STARD8: variants seen among roughly 807,000 people sequenced by gnomAD.
STARD8 encodes StAR related lipid transfer domain containing 8, also known as stAR-related lipid transfer protein 8.
STARD8 carries 25 observed loss-of-function variants against 69.4 expected under a neutral mutation model. The ratio of observed to expected loss-of-function variants is 0.36; its 90% CI spans 0.26 to 0.50. The LOEUF is 0.50. STARD8 is among the 20% of genes least tolerant of loss of function. STARD8 has a pLI of 0.96. For synonymous variants in STARD8, 389 were observed against 374.6 expected (o/e 1.04, Z -0.45); for missense variants, 921 against 932.5 (o/e 0.99, Z 0.16).
rs959849508 is a variant in STARD8, at chrX:68,724,477, C to T, written c.*55C>T. The T allele has an allele frequency of 8.5e-6, 9 of 1,055,870 alleles. No individual in the cohort carries two copies. Among genetic ancestry groups the T allele is most frequent in the South Asian group, 4.0e-5 (2 of 50,152 alleles). 87.0% of individuals were successfully genotyped at this position (1,055,870 alleles called of 1,213,427 possible). On this transcript the variant is annotated 3_prime_UTR_variant, in exon 15 of 15. Coordinates refer to ENST00000374599, the MANE Select transcript of STARD8 (RefSeq NM_001142503.3). ...CCAGGCCCCCTGGGCACCAAGGGAGCGAGGGGGAATAAGAGCAGGGCAGCC... is the reference window on the plus strand; with the variant it reads ...CCAGGCCCCCTGGGCACCAAGGGAGTGAGGGGGAATAAGAGCAGGGCAGCC...
intron 2 of STARD8, among the ~76,000 whole-genome samples, chrX:68,688,970 C>G (rs773338377): frequency 0.092 from 8,473 of 91,898 alleles, 2 homozygotes; most frequent in African/African-American, 0.21. Context: ...CCAGGGCCCA[C>G]CCCATTTTTT....
chrX:68,674,566 A>G (rs1710075895), intron 2 of STARD8, among the ~76,000 whole-genome samples: 1 of 110,918 alleles, frequency 9.0e-6, no homozygotes, highest in South Asian at 3.8e-4. Context: ...GTGCTTGGGA[A>G]CTATTTGCTC....
At chrX:68,654,631 G>C (rs938700672) in intron 1 of STARD8, among the ~76,000 whole-genome samples, 1 of 111,798 alleles carries the variant, frequency 8.9e-6, no homozygotes, top group Non-Finnish European at 1.9e-5. Flanking sequence ...TCTCATCCAA[G>C]TATGCATGAG....
rs2079654802 is a variant in STARD8 at position 68,662,085 on chromosome X, G to A, written c.46-3414G>A. 2.8e-5 allele frequency among the ~76,000 whole-genome samples: 3 copies of A among 107,577 alleles called. No homozygotes were observed. In the South Asian group the frequency reaches 1.2e-3, roughly 45 times the overall value. The allele number at this position is 107,577 out of a possible 115,157, so 93.4% of individuals were successfully genotyped here. A position where few individuals can be genotyped will look rare whatever the true frequency, so the allele number is the denominator to read the frequency against. ...TGCCATGGCGTGATCTCAGCTCACT[G>A]CAACCTCCGCCTCCCAGGTTCAAGT... is the stretch of plus-strand genomic sequence containing the variant. On this transcript the variant is annotated intron_variant, in intron 1 of 14. Coordinates refer to ENST00000374599, the MANE Select transcript of STARD8 (RefSeq NM_001142503.3).
chrX:68,722,377 T>C, intron 11 of STARD8, 45 bp from the exon 12 acceptor site: 1 of 1,122,929 alleles, frequency 8.9e-7, no homozygotes, highest in Non-Finnish European at 1.2e-6. Context: ...CCATGGGGTC[T>C]CCTGCTCTCT....
intron 6 of STARD8, 66 bp from the exon 7 acceptor site, chrX:68,719,159 C>T: frequency 9.3e-7 from 1 of 1,076,853 alleles, no homozygotes; most frequent in Non-Finnish European, 1.2e-6. Flanking sequence ...ACAATAACAC[C>T]TTTTCTAAGG....
chrX:68,712,655 TG>T lies in STARD8; in HGVS notation c.80-257del, dbSNP rs201393602. Among the ~76,000 whole-genome samples, 659 of 111,409 alleles carry T rather than the reference TG, an allele frequency of 5.9e-3. 6 individuals carry two copies. The highest frequency in any genetic ancestry group is 0.021 in the African/African-American group (630 of 30,630). ...AGGGGGTGGGAGAGTGGGAGGGGTTTGGAACAGGCAGGGAATGAGACTCAAG... is the reference window on the plus strand; with the variant it reads ...AGGGGGTGGGAGAGTGGGAGGGGTTTGAACAGGCAGGGAATGAGACTCAAG... On this transcript the variant is annotated intron_variant, in intron 2 of 14. Coordinates refer to ENST00000374599, the MANE Select transcript of STARD8 (RefSeq NM_001142503.3).
chrX:68,721,775 G>A (rs376738946), intron 10 of STARD8, 29 bp downstream of exon 10: 5 of 1,183,189 alleles, frequency 4.2e-6, no homozygotes, highest in East Asian at 3.0e-5. Flanking sequence ...TGTCAGGGCC[G>A]GGCTGGGTCC....
intron 2 of STARD8, among the ~76,000 whole-genome samples, chrX:68,707,470 C>T (rs1486055005): frequency 3.6e-5 from 4 of 111,587 alleles, no homozygotes; most frequent in Non-Finnish European, 5.6e-5. Context: ...CTGTTTAGGG[C>T]GGTGGTCTTT....
chrX:68,649,575 G>A (rs2079534617), intron 1 of STARD8, among the ~76,000 whole-genome samples: 1 of 111,111 alleles, frequency 9.0e-6, no homozygotes, highest in Admixed American at 9.7e-5. Context: ...AGACTGTTGT[G>A]TCCTTCCTGT....
chrX:68,687,700 A>G (rs2147898225), intron 2 of STARD8, among the ~76,000 whole-genome samples: 1 of 112,393 alleles, frequency 8.9e-6, no homozygotes, highest in South Asian at 3.7e-4. Context: ...GGTAGAAACA[A>G]AGTAGAAGCC....
In STARD8 at chrX:68,721,761, G is replaced by C; in HGVS notation, c.2459+15G>C. 5.0e-6 allele frequency: 6 copies of C among 1,196,719 alleles called. No individual in the cohort carries two copies. Among genetic ancestry groups the C allele is most frequent in the Non-Finnish European group, 6.8e-6 (6 of 884,989 alleles). ...CCCTCTCCCAGGTGAAATGGTGCAC[G>C]GCATGTCAGGGCCGGGCTGGGTCCA... On this transcript the variant is annotated intron_variant, in intron 10 of 14. Coordinates refer to ENST00000374599, the MANE Select transcript of STARD8 (RefSeq NM_001142503.3).
intron 2 of STARD8, among the ~76,000 whole-genome samples, chrX:68,706,311 C>T (rs1334606985): frequency 8.9e-6 from 1 of 112,068 alleles, no homozygotes; most frequent in Non-Finnish European, 1.9e-5. Context: ...GGTCCTGTCT[C>T]CTTTCCTCCC....
chrX:68,662,265 T>C (rs1220403478), intron 1 of STARD8, among the ~76,000 whole-genome samples: 1 of 110,793 alleles, frequency 9.0e-6, no homozygotes, highest in African/African-American at 3.3e-5. Context: ...CGCCTTGGAC[T>C]CCCAAAGTGC....
At chrX:68,678,274 AG>A (rs2079779624) in intron 2 of STARD8, among the ~76,000 whole-genome samples, 3 of 111,118 alleles carry the variant, frequency 2.7e-5, no homozygotes, top group African/African-American at 9.8e-5. Context: ...AAGAAATATG[AG>A]GGTTGTGGTT....
chrX:68,667,683 C>T (rs1034672054), intron 2 of STARD8, among the ~76,000 whole-genome samples: 3 of 110,273 alleles, frequency 2.7e-5, no homozygotes, highest in South Asian at 4.0e-4. Context: ...GATGGGACTG[C>T]GATGGGGGCT....
Position 68,723,669 on chromosome X carries a change from A to G in STARD8, c.2843A>G (p.Glu948Gly). Residue 948 changes from glutamate (E) to glycine (G), a missense_variant, in exon 13 of 15, where the codon GAG becomes GGG. Coordinates refer to ENST00000374599, the MANE Select transcript of STARD8 (RefSeq NM_001142503.3). The stretch of plus-strand genomic sequence containing the variant: ...CTGCGGCTATGGAAGGCATCCACAG[A>G]GGTGGCAGCCCCCCCAGCTGTGGTG... ...HPLRLWKAST[E>G]VAAPPAVVLH... 1 of 1,199,935 alleles carries G rather than the reference A, an allele frequency of 8.3e-7. No individual in the cohort carries two copies. Among genetic ancestry groups the G allele is most frequent in the Non-Finnish European group, 1.1e-6 (1 of 890,090 alleles).
rs781044005 is a variant in STARD8, at chrX:68,720,430, C to A, written c.2049+7C>A. 5 of 1,160,451 alleles carry A rather than the reference C, an allele frequency of 4.3e-6. No homozygotes were observed. Among genetic ancestry groups the A allele is most frequent in the South Asian group, 4.1e-5 (2 of 48,984 alleles). On this transcript the variant is annotated splice_region_variant and intron_variant, in intron 8 of 14. Coordinates refer to ENST00000374599, the MANE Select transcript of STARD8 (RefSeq NM_001142503.3). ...CAGCCAGTGCCTGGACCAAGTGAGC[C>A]CTCGTGGGGCAGCCTGCCGGGAGAT...
At position 68,725,075 on chromosome X, in the gene STARD8, G is replaced by C. The variant is rs1418810896; in HGVS notation, c.*653G>C. 3.6e-5 allele frequency: 4 copies of C among 111,385 alleles called. No individual in the cohort carries two copies. Among genetic ancestry groups the C allele is most frequent in the African/African-American group, 1.3e-4 (4 of 30,619 alleles). The allele number at this position is 111,385 out of a possible 1,213,427, so 9.2% of individuals were successfully genotyped here. ...ATATGTGACATGACGATTTGGCATA[G>C]ATAGGGATGTGAGAGTGGAGTACCT... On this transcript the variant is annotated 3_prime_UTR_variant, in exon 15 of 15. Coordinates refer to ENST00000374599, the MANE Select transcript of STARD8 (RefSeq NM_001142503.3).
Sources: allele counts gnomAD v4.1 joint callset (sites outside exome capture counted in the v4.1 genomes callset), GRCh38; gene constraint gnomAD v4.1.1; transcripts MANE v1.5; gene names NCBI Gene and HGNC (gene_info 2026-07-23, HGNC 2026-07-21).